Variants in DLGAP1 observed in about 807,000 individuals in gnomAD.
DLGAP1 encodes disks large-associated protein 1.
In DLGAP1, 11 loss-of-function variants were observed where a neutral mutation model predicts 90.8. That is an observed-to-expected ratio of 0.12 (90% CI 0.08 to 0.20). DLGAP1 has a LOEUF of 0.20. Among genes scored for constraint, DLGAP1 ranks in the 10% least tolerant of loss-of-function variants. The pLI is 1.00. For missense variants in DLGAP1, 1,050 were observed against 1,333.8 expected, an observed-to-expected ratio of 0.79 and a Z score of 3.31; for synonymous variants, 558 against 540.7, an observed-to-expected ratio of 1.03 and a Z score of -0.44.
chr18:3,892,766 G>A (rs895472488), intron 3 of DLGAP1, among the ~76,000 whole-genome samples: 2 of 152,022 alleles, frequency 1.3e-5, no homozygotes, highest in Admixed American at 6.6e-5. Flanking sequence ...TTTAGGAGGT[G>A]TAGCTGGCTC....
intron 2 of DLGAP1, among the ~76,000 whole-genome samples, chr18:4,071,515 C>T (rs1205291031): frequency 6.6e-6 from 1 of 152,152 alleles, no homozygotes; most frequent in African/African-American, 2.4e-5. Flanking sequence ...CAGGGCAGTG[C>T]CCTCTCCCAC....
chr18:3,581,967 C>T lies in DLGAP1; in HGVS notation c.1873G>A (p.Val625Ile), dbSNP rs956162482. 16 of 1,613,832 alleles carry T rather than the reference C, an allele frequency of 9.9e-6. No homozygotes were observed. The highest frequency in any genetic ancestry group is 4.4e-5 in the South Asian group (4 of 91,076). The change falls in exon 8 of 13, where the codon GTC (valine) becomes ATC (isoleucine). Residue 625 changes from valine (V) to isoleucine (I), a missense_variant. Physicochemically the swap from Val to Ile is conservative, Grantham distance 29. This residue lies in a region of DLGAP1 where 565 missense variants were observed against 879.7 expected (regional missense o/e 0.64). Coordinates refer to ENST00000315677, the MANE Select transcript of DLGAP1 (RefSeq NM_004746.4). ...SQHMGNNTATVTTTTTIATVT... is the reference protein window; with the variant it reads ...SQHMGNNTATITTTTTIATVT... ...GTGGCTATGGTAGTCGTGGTGGTGA[C>T]GGTGGCAGTGTTATTGCCCATGTGT...
intron 1 of DLGAP1, among the ~76,000 whole-genome samples, chr18:4,439,018 ACAATCCACTGAATGCCTC>A (rs2083466188): frequency 6.6e-6 from 1 of 152,198 alleles, no homozygotes; most frequent in African/African-American, 2.4e-5. Context: ...CAAACTGGCT[ACAATCCACTGAATGCCTC>A]CTTCCTGCCT....
chr18:3,820,180 T>C (rs1181201787), intron 4 of DLGAP1, among the ~76,000 whole-genome samples: 4 of 152,050 alleles, frequency 2.6e-5, no homozygotes, highest in South Asian at 2.1e-4. Flanking sequence ...TGTGGAGTAA[T>C]GAGAATGCGT....
rs1169488386 is a variant in DLGAP1, at chr18:3,860,098, C to CAAAAAAAAAAAAAAAAAA, written c.957+19013_957+19014insTTTTTTTTTTTTTTTTTT. 1.1e-3 allele frequency among the ~76,000 whole-genome samples: 120 copies of CAAAAAAAAAAAAAAAAAA among 104,828 alleles called. 1 individual carries two copies. The highest frequency in any genetic ancestry group is 1.6e-3 in the Admixed American group (18 of 11,346). The allele number at this position is 104,828 out of a possible 152,430, so 68.8% of individuals were successfully genotyped here. The stretch of plus-strand genomic sequence containing the variant: ...TGGGCGACAGAGCGAGACTCTGTCT[C>CAAAAAAAAAAAAAAAAAA]AAAAAATAAATAAATAAATAAATTT... On this transcript the variant is annotated intron_variant, in intron 4 of 12. Transcript: ENST00000315677.
chr18:3,544,653 G>T (rs1053053297), intron 9 of DLGAP1, among the ~76,000 whole-genome samples: 1 of 151,374 alleles, frequency 6.6e-6, no homozygotes, highest in Admixed American at 6.6e-5. Flanking sequence ...TTGTTTTTTG[G>T]GCCAAAATAT....
Position 3,526,343 on chromosome 18 carries a change from C to G in DLGAP1, c.2479+7851G>C, listed in dbSNP as rs1218468819. 6.6e-6 allele frequency among the ~76,000 whole-genome samples: 1 copy of G among 152,132 alleles called. No individual in the cohort carries two copies. The highest frequency in any genetic ancestry group is 1.5e-5 in the Non-Finnish European group (1 of 68,012). The stretch of plus-strand genomic sequence containing the variant: ...AGAGGCAATCCCAGGCGGATAAACC[C>G]TGGGTGATGGCACCGATAGACCATC... On this transcript the variant is annotated intron_variant, in intron 10 of 12. Transcript: ENST00000315677. This position sits in a 1 kb window ranked among gnomAD's most constrained non-coding sequence, Gnocchi z 4.7.
intron 5 of DLGAP1, among the ~76,000 whole-genome samples, chr18:3,813,475 A>T (rs1378885249): frequency 6.6e-5 from 10 of 152,192 alleles, no homozygotes; most frequent in Non-Finnish European, 1.5e-5. Flanking sequence ...TCCTTAAATG[A>T]TGTATGACTA....
chr18:3,646,221 C>A (rs536696365), intron 7 of DLGAP1, among the ~76,000 whole-genome samples: 1 of 151,964 alleles, frequency 6.6e-6, no homozygotes, highest in Non-Finnish European at 1.5e-5. Flanking sequence ...TATAATGAGA[C>A]CTCATCTCTA....
intron 2 of DLGAP1, among the ~76,000 whole-genome samples, chr18:4,076,703 A>C (rs1359121713): frequency 6.6e-6 from 1 of 151,878 alleles, no homozygotes. Context: ...GGCTCACTGC[A>C]ACCTCCACCT....
intron 7 of DLGAP1, among the ~76,000 whole-genome samples, chr18:3,682,389 C>T (rs1273883791): frequency 1.3e-5 from 2 of 152,186 alleles, no homozygotes; most frequent in Admixed American, 6.5e-5. Flanking sequence ...ATTACCCAGT[C>T]TCAAGTATTC....
chr18:3,735,951 TACAC>T (rs145998387), intron 6 of DLGAP1, among the ~76,000 whole-genome samples: 3 of 150,428 alleles, frequency 2.0e-5, no homozygotes, highest in Admixed American at 2.0e-4. Context: ...TCTTTCTCTC[TACAC>T]ACACACACAC....
At chr18:3,819,023 A>G (rs538157199) in intron 4 of DLGAP1, among the ~76,000 whole-genome samples, 1 of 151,906 alleles carries the variant, frequency 6.6e-6, no homozygotes, top group Non-Finnish European at 1.5e-5. Context: ...TTGAAAGAGG[A>G]ACACACGGCC....
chr18:3,674,293 T>TAAAAAAAAAAA (rs763030375), intron 7 of DLGAP1, among the ~76,000 whole-genome samples: 9 of 76,546 alleles, frequency 1.2e-4, no homozygotes, highest in African/African-American at 2.9e-4. Context: ...TCTATAATAT[T>TAAAAAAAAAAA]AAAATATATA....
intron 1 of DLGAP1, among the ~76,000 whole-genome samples, chr18:4,167,886 T>C (rs900096227): frequency 6.6e-6 from 1 of 152,080 alleles, no homozygotes; most frequent in South Asian, 2.1e-4. Context: ...CAAAAATATA[T>C]GTACAGAATC....
In DLGAP1 at chr18:4,306,458, T is replaced by A. The variant is rs996556740; in HGVS notation, c.-267+148548A>T. 8.3e-3 allele frequency among the ~76,000 whole-genome samples: 440 copies of A among 52,788 alleles called. 2 individuals carry two copies. Among genetic ancestry groups the A allele is most frequent in the African/African-American group, 0.052 (421 of 8,098 alleles). 34.6% of individuals were successfully genotyped at this position (52,788 alleles called of 152,430 possible). ...GTGTGTGTGTGTGTGTGTGTGTGTG[T>A]GTGTGAGAGAGAGAGAGACAGACAG... is the stretch of plus-strand genomic sequence containing the variant. On this transcript the variant is annotated intron_variant, in intron 1 of 12. Coordinates refer to ENST00000315677, the MANE Select transcript of DLGAP1 (RefSeq NM_004746.4).
At chr18:3,618,938 CAAA>C (rs35538124) in intron 7 of DLGAP1, among the ~76,000 whole-genome samples, 5 of 132,196 alleles carry the variant, frequency 3.8e-5, no homozygotes, top group Non-Finnish European at 3.3e-5. Context: ...GACTCCGTCT[CAAA>C]AAAAAAAAAA....
intron 2 of DLGAP1, among the ~76,000 whole-genome samples, chr18:4,133,620 G>T (rs2076353018): frequency 6.6e-6 from 1 of 152,138 alleles, no homozygotes; most frequent in South Asian, 2.1e-4. Flanking sequence ...AGTTGCTTGG[G>T]TGAGTTATTC....
chr18:3,668,601 C>CAA (rs542960419), intron 7 of DLGAP1, among the ~76,000 whole-genome samples: 69 of 151,372 alleles, frequency 4.6e-4, no homozygotes, highest in African/African-American at 1.6e-3. Context: ...CTCCACTGTG[C>CAA]AAAAAAAAAT....
Sources: allele counts gnomAD v4.1 joint callset (sites outside exome capture counted in the v4.1 genomes callset), GRCh38; gene constraint gnomAD v4.1.1; regional missense constraint gnomAD v4.1.1; non-coding constraint Gnocchi (gnomAD v3.1); transcripts MANE v1.5; gene names NCBI Gene and HGNC (gene_info 2026-07-23, HGNC 2026-07-21).